PTPRM: variants seen among roughly 807,000 people sequenced by gnomAD.
The protein encoded by PTPRM is receptor-type tyrosine-protein phosphatase mu.
Under a neutral mutation model 186.7 loss-of-function variants are expected in PTPRM, and 47 were observed. That is an observed-to-expected ratio of 0.25 (90% CI 0.20 to 0.32). The LOEUF is 0.32. Among genes scored for constraint, PTPRM ranks in the 10% least tolerant of loss-of-function variants. PTPRM has a pLI of 1.00. For missense variants in PTPRM, 1,494 were observed against 1,865.0 expected (o/e 0.80, Z 3.66); for synonymous variants, 668 against 674.9 (o/e 0.99, Z 0.16).
chr18:8,128,120 G>T (rs957742888), intron 13 of PTPRM, among the ~76,000 whole-genome samples: 1 of 152,100 alleles, frequency 6.6e-6, no homozygotes, highest in Admixed American at 6.6e-5. Flanking sequence ...AAAATTAAGG[G>T]AAGAAAATGC....
intron 32 of PTPRM, 58 bp downstream of exon 32, chr18:8,394,669 C>A: frequency 6.8e-7 from 1 of 1,463,390 alleles, no homozygotes; most frequent in South Asian, 1.4e-5. Context: ...AGAATCCACT[C>A]CAGCTCCCAG....
At chr18:8,284,699 G>A (rs1275421027) in intron 19 of PTPRM, among the ~76,000 whole-genome samples, 5 of 152,084 alleles carry the variant, frequency 3.3e-5, no homozygotes, top group Non-Finnish European at 7.3e-5. Flanking sequence ...AGTGAGTTAC[G>A]ATTGCACCAC....
chr18:7,677,660 G>T (rs540922122), intron 1 of PTPRM, among the ~76,000 whole-genome samples: 1 of 152,242 alleles, frequency 6.6e-6, no homozygotes, highest in Admixed American at 6.5e-5. Context: ...TCCATGATCA[G>T]GCCTGCAACT....
chr18:8,234,971 G>A (rs1303964565), intron 14 of PTPRM, among the ~76,000 whole-genome samples: 2 of 152,002 alleles, frequency 1.3e-5, no homozygotes, highest in Admixed American at 6.5e-5. Flanking sequence ...TTTATAAATT[G>A]TTGGATTCAA....
intron 11 of PTPRM, among the ~76,000 whole-genome samples, chr18:8,091,497 C>G (rs1365405319): frequency 1.3e-5 from 2 of 151,876 alleles, no homozygotes; most frequent in Admixed American, 1.3e-4. Context: ...TAGACATCAT[C>G]TTTATTGGAA....
intron 11 of PTPRM, among the ~76,000 whole-genome samples, chr18:8,089,903 T>G (rs1229641221): frequency 6.6e-6 from 1 of 152,196 alleles, no homozygotes; most frequent in African/African-American, 2.4e-5. Context: ...CACAGAAATT[T>G]TTATTTGAAA....
At chr18:8,264,157 G>A (rs1429728405) in intron 19 of PTPRM, among the ~76,000 whole-genome samples, 1 of 152,278 alleles carries the variant, frequency 6.6e-6, no homozygotes, top group Non-Finnish European at 1.5e-5. Flanking sequence ...AATCCTGCAC[G>A]TCTGATGACA....
At chr18:7,804,061 T>G (rs553511388) in intron 2 of PTPRM, among the ~76,000 whole-genome samples, 1 of 152,272 alleles carries the variant, frequency 6.6e-6, no homozygotes, top group Non-Finnish European at 1.5e-5. Context: ...GATTTACTGG[T>G]TTATGTAAGT....
intron 1 of PTPRM, among the ~76,000 whole-genome samples, chr18:7,740,613 T>G (rs1464097303): frequency 6.6e-6 from 1 of 152,056 alleles, no homozygotes; most frequent in East Asian, 1.9e-4. Flanking sequence ...AGAGATAGAA[T>G]CTTGCTATAT....
intron 2 of PTPRM, among the ~76,000 whole-genome samples, chr18:7,838,615 T>C (rs1198336584): frequency 1.3e-5 from 2 of 152,246 alleles, no homozygotes; most frequent in Non-Finnish European, 2.9e-5. Context: ...GGGTCAAACC[T>C]GAAGCCTGTA....
chr18:8,088,919 A>C, intron 11 of PTPRM, 68 bp downstream of exon 11: 2 of 1,212,740 alleles, frequency 1.6e-6, no homozygotes, highest in Non-Finnish European at 2.4e-6. Context: ...AATTCCTCCA[A>C]TGTGTTTTCT....
rs145555391 is a variant in PTPRM at position 8,041,421 on chromosome 18, A to G, written c.1133-28265A>G. On this transcript the variant is annotated intron_variant, in intron 7 of 32. Coordinates refer to ENST00000580170, the MANE Select transcript of PTPRM (RefSeq NM_001105244.2). Reference sequence around the variant, plus strand: ...AGTTAATTAAGGCATCATTAAAGGCATGACTTTGAGTTAGTCTGCACTGAG... The same window carrying G: ...AGTTAATTAAGGCATCATTAAAGGCGTGACTTTGAGTTAGTCTGCACTGAG... Among the ~76,000 whole-genome samples the G allele has an allele frequency of 4.8e-4, 73 of 152,036 alleles. 2 individuals carry two copies. Among genetic ancestry groups the G allele is most frequent in the African/African-American group, 1.7e-3 (69 of 41,450 alleles).
At chr18:8,149,854 ATC>A (rs1440707832) in intron 14 of PTPRM, among the ~76,000 whole-genome samples, 1 of 152,056 alleles carries the variant, frequency 6.6e-6, no homozygotes, top group African/African-American at 2.4e-5. Flanking sequence ...TGGTGACAAA[ATC>A]TCTCAGCATT....
Position 8,387,068 on chromosome 18 carries a change from G to T in PTPRM, c.4045-4G>T. Reference sequence around the variant, plus strand: ...CTCCCCGATTGTTGCCTTGTTCTTCGTAGCCCCAAGATGGATATCGGATGG... The same window carrying T: ...CTCCCCGATTGTTGCCTTGTTCTTCTTAGCCCCAAGATGGATATCGGATGG... On this transcript the variant is annotated splice_region_variant and splice_polypyrimidine_tract_variant and intron_variant, in intron 30 of 32. Coordinates refer to ENST00000580170, the MANE Select transcript of PTPRM (RefSeq NM_001105244.2). 2 of 1,598,334 alleles carry T rather than the reference G, an allele frequency of 1.3e-6. No individual in the cohort carries two copies. The highest frequency in any genetic ancestry group is 2.2e-5 in the South Asian group (2 of 90,368).
intron 19 of PTPRM, among the ~76,000 whole-genome samples, chr18:8,266,363 CAAAA>C (rs10678321): frequency 7.6e-6 from 1 of 130,892 alleles, no homozygotes. Flanking sequence ...TGCTACCACT[CAAAA>C]AAAAAAAAAA....
At chr18:7,642,860 A>G in intron 1 of PTPRM, among the ~76,000 whole-genome samples, 1 of 150,890 alleles carries the variant, frequency 6.6e-6, no homozygotes, top group East Asian at 1.9e-4. Context: ...AAAAAAAAAA[A>G]AAAAAAAGAA....
intron 7 of PTPRM, among the ~76,000 whole-genome samples, chr18:8,012,511 A>G (rs1166779711): frequency 6.6e-6 from 1 of 152,182 alleles, no homozygotes; most frequent in Non-Finnish European, 1.5e-5. Context: ...TAGAGTGCAC[A>G]TACACACACC....
Position 8,184,948 on chromosome 18 carries a change from C to A in PTPRM, c.2300+41169C>A, listed in dbSNP as rs574391101. ...AGGGTCTTGCCACGGGCCTTGAATT[C>A]TAATGCAGACTTTCAAAGGATACCA... On this transcript the variant is annotated intron_variant, in intron 14 of 32. Transcript: ENST00000580170. Among the ~76,000 whole-genome samples the A allele has an allele frequency of 2.0e-5, 3 of 152,230 alleles. No homozygotes were observed. In the South Asian group the frequency reaches 6.2e-4, roughly 32 times the overall value.
chr18:7,580,553 T>G (rs1484027269), intron 1 of PTPRM, among the ~76,000 whole-genome samples: 1 of 152,198 alleles, frequency 6.6e-6, no homozygotes, highest in Non-Finnish European at 1.5e-5. Context: ...TACGTAAGCC[T>G]TATTTCAGGG....
Sources: gnomAD v4.1 joint callset for allele counts (sites outside exome capture counted in the v4.1 genomes callset) on GRCh38, gnomAD v4.1.1 for gene constraint, MANE v1.5 for transcripts, NCBI Gene and HGNC (gene_info 2026-07-23, HGNC 2026-07-21) for gene names.